The following BICRA variants were observed in gnomAD, a reference collection of about 807,000 sequenced individuals.
BICRA encodes BRD4 interacting chromatin remodeling complex associated protein, also known as BRD4-interacting chromatin-remodeling complex-associated protein.
BICRA carries 31 observed loss-of-function variants against 96.9 expected under a neutral mutation model. The ratio of observed to expected loss-of-function variants is 0.32; its 90% CI spans 0.24 to 0.43. The LOEUF (loss-of-function observed/expected upper bound fraction) is 0.43, where lower values mean the gene tolerates loss of function less well. BICRA is among the 20% of genes least tolerant of loss of function. The pLI, the probability that BICRA is intolerant of heterozygous loss-of-function variation, is 1.00. For synonymous variants in BICRA, 1,350 were observed against 1,071.8 expected, an observed-to-expected ratio of 1.26 and a Z score of -5.07; for missense variants, 2,283 against 2,190.3, an observed-to-expected ratio of 1.04 and a Z score of -0.84.
intron 1 of BICRA, among the ~76,000 whole-genome samples, chr19:47,647,892 C>CG (rs1468087552): frequency 4.9e-5 from 4 of 81,642 alleles, no homozygotes; most frequent in Non-Finnish European, 7.3e-5. Context: ...CCGTAGTTCG[C>CG]GGGGGGAGTG....
chr19:47,681,273 C>A lies in BICRA; in HGVS notation c.2103C>A (p.Pro701=), dbSNP rs759923575. ...LTQDSLQMFL[P]QERSQQPLSA... ...AGGACTCCCTGCAGATGTTCCTGCCCCAGGTAAGCAGGGCGGGGCAAGGGA... is the reference window on the plus strand; with the variant it reads ...AGGACTCCCTGCAGATGTTCCTGCCACAGGTAAGCAGGGCGGGGCAAGGGA... Residue 701 remains proline (P), a synonymous_variant, in exon 6 of 15, where the codon CCC becomes CCA. Transcript: ENST00000594866. 2 of 1,542,226 alleles carry A rather than the reference C, an allele frequency of 1.3e-6. No homozygotes were observed. The highest frequency in any genetic ancestry group is 1.7e-6 in the Non-Finnish European group (2 of 1,149,712).
chr19:47,701,613 G>C lies in BICRA; in HGVS notation c.3881G>C (p.Arg1294Pro). ...GACGGCCCCATGCCCTCCCGCAACC[G>C]CCCGCCCATCAAGACCTACGAGGCC... Reference protein sequence around the residue: ...DEDGPMPSRNRPPIKTYEARS... With the variant: ...DEDGPMPSRNPPPIKTYEARS... Residue 1294 changes from arginine to proline, a missense_variant, in exon 15 of 15, where the codon CGC (arginine) becomes CCC (proline). Coordinates refer to ENST00000594866, the MANE Select transcript of BICRA (RefSeq NM_001394372.1). This position sits in a 1 kb window ranked among gnomAD's most constrained non-coding sequence, Gnocchi z 5.4. 1 of 1,564,468 alleles carries C rather than the reference G, an allele frequency of 6.4e-7. No individual in the cohort carries two copies. Among genetic ancestry groups the C allele is most frequent in the Non-Finnish European group, 8.7e-7 (1 of 1,155,966 alleles).
intron 1 of BICRA, among the ~76,000 whole-genome samples, chr19:47,669,307 T>C (rs1599837786): frequency 1.3e-5 from 2 of 152,074 alleles, no homozygotes; most frequent in East Asian, 3.9e-4. Context: ...ATAAGATGGC[T>C]TCAAACAGAA....
At chr19:47,694,749 C>A in intron 8 of BICRA, 23 bp downstream of exon 8, 3 of 1,255,120 alleles carry the variant, frequency 2.4e-6, no homozygotes, top group Non-Finnish European at 3.4e-6. Flanking sequence ...AGGGACTGCC[C>A]GCCCCATCAG....
At chr19:47,668,433 G>A (rs1007108552) in intron 1 of BICRA, among the ~76,000 whole-genome samples, 1 of 151,790 alleles carries the variant, frequency 6.6e-6, no homozygotes, top group Non-Finnish European at 1.5e-5. Flanking sequence ...AAATTGCAAA[G>A]CAGTGTCGTT....
intron 1 of BICRA, among the ~76,000 whole-genome samples, chr19:47,660,375 C>A (rs1374195351): frequency 6.6e-6 from 1 of 152,212 alleles, no homozygotes; most frequent in South Asian, 2.1e-4. Flanking sequence ...AGGACAGTCT[C>A]ATCTCAACAT....
At chr19:47,609,762 C>T (rs563003482) in intron 1 of BICRA, among the ~76,000 whole-genome samples, 9 of 152,182 alleles carry the variant, frequency 5.9e-5, no homozygotes, top group African/African-American at 2.2e-4. Context: ...TCCCCAAATC[C>T]CTCCCGTGGG....
intron 10 of BICRA, among the ~76,000 whole-genome samples, chr19:47,696,113 G>A (rs1400274285): frequency 6.6e-6 from 1 of 152,142 alleles, no homozygotes; most frequent in African/African-American, 2.4e-5. Flanking sequence ...GCGAGGCAGG[G>A]GCACTGGGTG....
chr19:47,695,530 G>T, intron 10 of BICRA, 56 bp downstream of exon 10: 1 of 825,334 alleles, frequency 1.2e-6, no homozygotes, highest in Non-Finnish European at 2.0e-6. Flanking sequence ...CGGGAACTGG[G>T]AACTGGGGCT....
chr19:47,699,525 G>A lies in BICRA; in HGVS notation c.3595+120G>A. 1.5e-6 allele frequency: 1 copy of A among 650,030 alleles called. No individual in the cohort carries two copies. Among genetic ancestry groups the A allele is most frequent in the East Asian group, 2.8e-5 (1 of 36,306 alleles). 40.3% of individuals were successfully genotyped at this position (650,030 alleles called of 1,614,324 possible). Reference sequence around the variant, plus strand: ...CCCTACCTCACTCCACCACTAGGCGGTGCCCCAGCTCCACCTTCCTGCTGG... The same window carrying A: ...CCCTACCTCACTCCACCACTAGGCGATGCCCCAGCTCCACCTTCCTGCTGG... On this transcript the variant is annotated intron_variant, in intron 14 of 14. Coordinates refer to ENST00000594866, the MANE Select transcript of BICRA (RefSeq NM_001394372.1). The surrounding 1 kb of genome is among the most constrained non-coding windows in gnomAD (Gnocchi z 5.0).
Position 47,694,105 on chromosome 19 carries a change from C to T in BICRA, c.2284-10C>T. 6.7e-7 allele frequency: 1 copy of T among 1,487,816 alleles called. No individual in the cohort carries two copies. The highest frequency in any genetic ancestry group is 8.9e-7 in the Non-Finnish European group (1 of 1,117,834). 92.2% of individuals were successfully genotyped at this position (1,487,816 alleles called of 1,614,324 possible). A position where few individuals can be genotyped will look rare whatever the true frequency, so the allele number is the denominator to read the frequency against. On this transcript the variant is annotated splice_polypyrimidine_tract_variant and intron_variant, in intron 7 of 14. Transcript: ENST00000594866. ...CCCGCCCCTCCCCTCTCCCTCCCTC[C>T]CCTGCCCAGATCCCGGCAGCGGCTC...
chr19:47,611,873 ATT>A (rs748794734), intron 1 of BICRA, among the ~76,000 whole-genome samples: 6 of 143,332 alleles, frequency 4.2e-5, no homozygotes, highest in Admixed American at 7.1e-5. Context: ...GTGGCATTTA[ATT>A]TTTTTTTTTT....
At chr19:47,648,679 G>T (rs10414666) in intron 1 of BICRA, among the ~76,000 whole-genome samples, 41,732 of 143,226 alleles carry the variant, frequency 0.29, 6,349 homozygotes, top group East Asian at 0.49. Context: ...TTTTTTTTTT[G>T]TTTGTTTTTT....
At chr19:47,634,021 T>C (rs1599797869) in intron 1 of BICRA, among the ~76,000 whole-genome samples, 1 of 152,206 alleles carries the variant, frequency 6.6e-6, no homozygotes, top group Non-Finnish European at 1.5e-5. Context: ...CGTGGAGCCA[T>C]GTGAATGTAA....
chr19:47,687,527 T>C (rs1973176904), intron 7 of BICRA, among the ~76,000 whole-genome samples: 1 of 152,190 alleles, frequency 6.6e-6, no homozygotes, highest in Admixed American at 6.6e-5. Context: ...CTGAGCGTGT[T>C]GGCTCACACC....
rs1161322168 is a variant in BICRA, at chr19:47,699,158, T to G, written c.3492+99T>G. On this transcript the variant is annotated intron_variant, in intron 13 of 14. Coordinates refer to ENST00000594866, the MANE Select transcript of BICRA (RefSeq NM_001394372.1). This position sits in a 1 kb window ranked among gnomAD's most constrained non-coding sequence, Gnocchi z 5.0. ...TGGGCAAGGTGGAGCCTCCCGCCCC[T>G]CCTAGCCCCGGGAGGGAGGTTGGGA... 1 of 985,084 alleles carries G rather than the reference T, an allele frequency of 1.0e-6. No individual in the cohort carries two copies. Among genetic ancestry groups the G allele is most frequent in the African/African-American group, 1.6e-5 (1 of 62,144 alleles). 61.0% of individuals were successfully genotyped at this position (985,084 alleles called of 1,614,324 possible).
At chr19:47,622,513 A>G (rs2123511880) in intron 1 of BICRA, among the ~76,000 whole-genome samples, 1 of 149,598 alleles carries the variant, frequency 6.7e-6, no homozygotes, top group South Asian at 2.1e-4. Context: ...TCACGAGGTC[A>G]GGAGATCGAG....
intron 1 of BICRA, among the ~76,000 whole-genome samples, chr19:47,619,875 C>G (rs1162113978): frequency 2.0e-5 from 3 of 152,164 alleles, no homozygotes; most frequent in Admixed American, 1.3e-4. Flanking sequence ...TTTAAGCATG[C>G]CTTTCCATGA....
chr19:47,651,032 A>G (rs897637964), intron 1 of BICRA, among the ~76,000 whole-genome samples: 18 of 152,058 alleles, frequency 1.2e-4, no homozygotes, highest in African/African-American at 4.1e-4. Flanking sequence ...CTCTGCTATT[A>G]TGTCCAGAAT....
Sources: gnomAD v4.1 joint callset for allele counts (sites outside exome capture counted in the v4.1 genomes callset) on GRCh38, gnomAD v4.1.1 for gene constraint, Gnocchi (gnomAD v3.1) non-coding constraint, MANE v1.5 for transcripts, NCBI Gene and HGNC (gene_info 2026-07-23, HGNC 2026-07-21) for gene names.